Variants in NRG1 observed in about 807,000 individuals in gnomAD.
NRG1 encodes the protein pro-neuregulin-1, membrane-bound isoform.
In NRG1, 18 loss-of-function variants were observed where a neutral mutation model predicts 63.8. The ratio of observed to expected loss-of-function variants is 0.28; its 90% confidence interval spans 0.19 to 0.42. NRG1 has a LOEUF of 0.42. NRG1 is among the 10% of genes least tolerant of loss of function. NRG1 has a pLI of 1.00. For missense variants in NRG1, 762 were observed against 814.7 expected, an observed-to-expected ratio of 0.94 and a Z score of 0.79; for synonymous variants, 302 against 301.3, an observed-to-expected ratio of 1.00 and a Z score of -0.02.
At chr8:32,732,207 T>C (rs1249985396) in intron 6 of NRG1, among the ~76,000 whole-genome samples, 1 of 152,196 alleles carries the variant, frequency 6.6e-6, no homozygotes. Context: ...GTGGAAAAAA[T>C]AGTTACTATT....
chr8:32,657,392 A>T (rs981549983), intron 5 of NRG1, among the ~76,000 whole-genome samples: 1 of 152,020 alleles, frequency 6.6e-6, no homozygotes, highest in Non-Finnish European at 1.5e-5. Context: ...ATCTCAGGGC[A>T]CATGGCTCCA....
intron 1 of NRG1, among the ~76,000 whole-genome samples, chr8:31,821,791 G>T (rs932885231): frequency 6.6e-6 from 1 of 152,088 alleles, no homozygotes; most frequent in Non-Finnish European, 1.5e-5. Flanking sequence ...CAGGAAGCAT[G>T]AATTCTCACT....
chr8:32,039,272 T>C (rs938330506), intron 1 of NRG1, among the ~76,000 whole-genome samples: 2 of 152,214 alleles, frequency 1.3e-5, no homozygotes, highest in African/African-American at 4.8e-5. Flanking sequence ...CACCAGATGC[T>C]TAATCTTTCC....
intron 1 of NRG1, among the ~76,000 whole-genome samples, chr8:31,692,076 C>G (rs574392154): frequency 1.3e-5 from 2 of 152,238 alleles, no homozygotes; most frequent in East Asian, 3.9e-4. Context: ...CAAGCAATCC[C>G]CCTGCTTAGG....
intron 1 of NRG1, among the ~76,000 whole-genome samples, chr8:31,678,377 C>T (rs940188623): frequency 6.6e-6 from 1 of 151,976 alleles, no homozygotes; most frequent in Non-Finnish European, 1.5e-5. Context: ...ACCTAATTTC[C>T]CCCCCAACAT....
chr8:31,917,257 G>A (rs1833478494), intron 1 of NRG1, among the ~76,000 whole-genome samples: 1 of 144,052 alleles, frequency 6.9e-6, no homozygotes, highest in Non-Finnish European at 1.5e-5. Flanking sequence ...TGCTTTTGGT[G>A]TTTTAGACAT....
intron 5 of NRG1, among the ~76,000 whole-genome samples, chr8:32,718,259 C>T (rs1035469389): frequency 6.6e-6 from 1 of 152,118 alleles, no homozygotes; most frequent in Non-Finnish European, 1.5e-5. Flanking sequence ...AGTTTGAATG[C>T]CTTTGAAAGA....
chr8:32,599,450 A>G (rs1254467916), intron 2 of NRG1, among the ~76,000 whole-genome samples: 1 of 152,182 alleles, frequency 6.6e-6, no homozygotes, highest in East Asian at 1.9e-4. Flanking sequence ...ACAATTTCAC[A>G]GCAATATGCA....
At chr8:32,738,906 A>G (rs1254201503) in intron 6 of NRG1, among the ~76,000 whole-genome samples, 1 of 152,170 alleles carries the variant, frequency 6.6e-6, no homozygotes, top group Non-Finnish European at 1.5e-5. Flanking sequence ...TACCTCAACG[A>G]TTGTCTTAAA....
At chr8:31,728,292 C>A (rs562764931) in intron 1 of NRG1, among the ~76,000 whole-genome samples, 7 of 151,942 alleles carry the variant, frequency 4.6e-5, no homozygotes, top group Admixed American at 3.3e-4. Context: ...GGTGAAACCC[C>A]GTCTCTACTA....
chr8:31,706,999 CT>C (rs1198685779), intron 1 of NRG1, among the ~76,000 whole-genome samples: 1 of 151,724 alleles, frequency 6.6e-6, no homozygotes, highest in Non-Finnish European at 1.5e-5. Flanking sequence ...TGAGTATCAT[CT>C]TTTTTTCTAT....
chr8:32,280,713 T>TTTTTAA (rs1852659648), intron 1 of NRG1, among the ~76,000 whole-genome samples: 1 of 135,466 alleles, frequency 7.4e-6, no homozygotes, highest in Non-Finnish European at 1.6e-5. Context: ...TTTTTTTTTT[T>TTTTTAA]TCAGATAAAC....
chr8:31,897,798 CGAGG>C (rs1646394780), intron 1 of NRG1, among the ~76,000 whole-genome samples: 2 of 151,382 alleles, frequency 1.3e-5, no homozygotes, highest in Non-Finnish European at 2.9e-5. Context: ...GCAGATCACC[CGAGG>C]TCAGGAGTTC....
chr8:31,919,994 C>T (rs536698173), intron 1 of NRG1, among the ~76,000 whole-genome samples: 60 of 152,090 alleles, frequency 3.9e-4, no homozygotes, highest in African/African-American at 1.3e-3. Flanking sequence ...GTCTTATGGC[C>T]TCTGTTAGAA....
intron 1 of NRG1, among the ~76,000 whole-genome samples, chr8:31,856,782 T>G (rs551368781): frequency 2.0e-4 from 30 of 152,274 alleles, no homozygotes; most frequent in Admixed American, 2.0e-4. Flanking sequence ...GATGTACAGA[T>G]GGGTTTTTGG....
At chr8:31,657,579 G>T (rs1805551669) in intron 1 of NRG1, among the ~76,000 whole-genome samples, 1 of 152,148 alleles carries the variant, frequency 6.6e-6, no homozygotes, top group Non-Finnish European at 1.5e-5. Context: ...TTTTTAGTGT[G>T]CACTTAAGTC....
chr8:31,783,084 A>G (rs1462815858), intron 1 of NRG1, among the ~76,000 whole-genome samples: 15 of 152,214 alleles, frequency 9.9e-5, no homozygotes, highest in Admixed American at 8.5e-4. Flanking sequence ...CTGTATGCAG[A>G]CATAAATATA....
intron 1 of NRG1, among the ~76,000 whole-genome samples, chr8:32,277,801 C>T (rs1227789614): frequency 2.0e-5 from 3 of 152,172 alleles, no homozygotes; most frequent in Admixed American, 6.6e-5. Flanking sequence ...TCCAAAATGT[C>T]AGTAGTGCCA....
intron 1 of NRG1, among the ~76,000 whole-genome samples, chr8:32,410,129 AG>A (rs1466977016): frequency 6.6e-6 from 1 of 150,720 alleles, no homozygotes; most frequent in African/African-American, 2.4e-5. Context: ...CTAAGTTGTC[AG>A]TGATTCACCC....
Sources: gnomAD v4.1 joint callset for allele counts (sites outside exome capture counted in the v4.1 genomes callset) on GRCh38, gnomAD v4.1.1 for gene constraint, MANE v1.5 for transcripts, NCBI Gene and HGNC (gene_info 2026-07-23, HGNC 2026-07-21) for gene names.